YWHAQ: variants seen among roughly 807,000 people sequenced by gnomAD.
The protein encoded by YWHAQ is tyrosine 3-monooxygenase/tryptophan 5-monooxygenase activation protein theta, also known as 14-3-3 protein theta.
Under a neutral mutation model 28.3 loss-of-function variants are expected in YWHAQ, and 6 were observed. That is an observed-to-expected ratio of 0.21 (90% CI 0.12 to 0.42). The LOEUF (loss-of-function observed/expected upper bound fraction) is 0.42, where lower values mean the gene tolerates loss of function less well. Ranked by LOEUF, YWHAQ falls within the 10% of genes least tolerant of loss-of-function variation. The pLI is 1.00. For synonymous variants in YWHAQ, 143 were observed against 119.1 expected (o/e 1.20, Z -1.31); for missense variants, 201 against 305.6 (o/e 0.66, Z 2.55).
intron 2 of YWHAQ, among the ~76,000 whole-genome samples, 166 bp downstream of exon 2, chr2:9,629,993 T>G (rs147641429): frequency 6.6e-6 from 1 of 152,212 alleles, no homozygotes; most frequent in East Asian, 1.9e-4. Context: ...TTCTTGAGTC[T>G]CAACAACCGG....
At chr2:9,618,833 C>G (rs920501624) in intron 2 of YWHAQ, among the ~76,000 whole-genome samples, 1 of 151,886 alleles carries the variant, frequency 6.6e-6, no homozygotes, top group African/African-American at 2.4e-5. Flanking sequence ...TTCAGATGTT[C>G]AAAACAACAA....
chr2:9,605,725 T>C (rs1666812918), intron 2 of YWHAQ, among the ~76,000 whole-genome samples: 1 of 146,506 alleles, frequency 6.8e-6, no homozygotes, highest in South Asian at 2.1e-4. Context: ...CATGACCGGC[T>C]AATTTTTTTT....
At chr2:9,607,207 CTT>C (rs61190266) in intron 2 of YWHAQ, among the ~76,000 whole-genome samples, 3 of 129,072 alleles carry the variant, frequency 2.3e-5, no homozygotes, top group Admixed American at 7.9e-5. Context: ...TTTTTTTTTT[CTT>C]TTTTTTTTTG....
chr2:9,586,120 C>T (rs1448617329), intron 5 of YWHAQ, among the ~76,000 whole-genome samples: 1 of 152,070 alleles, frequency 6.6e-6, no homozygotes, highest in Non-Finnish European at 1.5e-5. Context: ...AAGGGCTAAA[C>T]TATAGGAAAA....
chr2:9,621,378 G>A (rs932314120), intron 2 of YWHAQ, among the ~76,000 whole-genome samples: 3 of 152,126 alleles, frequency 2.0e-5, no homozygotes, highest in Non-Finnish European at 4.4e-5. Flanking sequence ...ACAAGACACA[G>A]GCTACACACT....
intron 2 of YWHAQ, among the ~76,000 whole-genome samples, chr2:9,594,649 T>G (rs1212733974): frequency 6.6e-6 from 1 of 152,166 alleles, no homozygotes; most frequent in Non-Finnish European, 1.5e-5. Context: ...TACAATGAAA[T>G]TCCACAGGAT....
At chr2:9,606,375 G>A in intron 2 of YWHAQ, among the ~76,000 whole-genome samples, 1 of 151,588 alleles carries the variant, frequency 6.6e-6, no homozygotes, top group Non-Finnish European at 1.5e-5. Context: ...TGACCAGCCT[G>A]GGAAACACGG....
chr2:9,595,614 G>A (rs1280410839), intron 2 of YWHAQ, among the ~76,000 whole-genome samples: 1 of 147,706 alleles, frequency 6.8e-6, no homozygotes, highest in Non-Finnish European at 1.5e-5. Context: ...TGACACAGGA[G>A]AACTGCTTGA....
intron 2 of YWHAQ, among the ~76,000 whole-genome samples, chr2:9,624,024 T>C (rs1667197561): frequency 6.6e-6 from 1 of 151,970 alleles, no homozygotes; most frequent in Admixed American, 6.6e-5. Context: ...ATCTCAGCAC[T>C]CTGGGTGGAT....
chr2:9,610,855 T>C (rs1666933392), intron 2 of YWHAQ, among the ~76,000 whole-genome samples: 1 of 152,158 alleles, frequency 6.6e-6, no homozygotes, highest in African/African-American at 2.4e-5. Context: ...CGATCTACTA[T>C]TGATTCTGCT....
intron 2 of YWHAQ, among the ~76,000 whole-genome samples, chr2:9,621,912 C>T (rs1192958715): frequency 6.6e-6 from 1 of 152,160 alleles, no homozygotes; most frequent in African/African-American, 2.4e-5. Context: ...TGGAAACCAT[C>T]ATTCTCAGCA....
At chr2:9,621,316 TCTC>T (rs1667139059) in intron 2 of YWHAQ, among the ~76,000 whole-genome samples, 1 of 152,144 alleles carries the variant, frequency 6.6e-6, no homozygotes, top group Non-Finnish European at 1.5e-5. Context: ...GCCAGTGATG[TCTC>T]CTAAGTGGGG....
chr2:9,601,296 T>C (rs1258789773), intron 2 of YWHAQ, among the ~76,000 whole-genome samples: 1 of 152,054 alleles, frequency 6.6e-6, no homozygotes, highest in Non-Finnish European at 1.5e-5. Flanking sequence ...ACCCCGTCTC[T>C]ACTAATAATA....
chr2:9,592,821 C>T (rs558953754), intron 2 of YWHAQ, among the ~76,000 whole-genome samples: 3 of 152,166 alleles, frequency 2.0e-5, no homozygotes, highest in Non-Finnish European at 2.9e-5. Context: ...ATACCTACTT[C>T]ATTGGTTTGT....
chr2:9,600,716 A>G (rs1377302029), intron 2 of YWHAQ, among the ~76,000 whole-genome samples: 1 of 151,460 alleles, frequency 6.6e-6, no homozygotes, highest in Admixed American at 6.6e-5. Context: ...AAAAAAAAAG[A>G]AAAAAGAAAA....
At chr2:9,587,562 A>G (rs1666370139) in intron 4 of YWHAQ, 53 bp from the exon 5 acceptor site, 1 of 1,485,926 alleles carries the variant, frequency 6.7e-7, no homozygotes, top group African/African-American at 1.4e-5. Context: ...AAAACTGGTT[A>G]TTCTACAATT....
At chr2:9,599,626 C>A (rs1197436176) in intron 2 of YWHAQ, among the ~76,000 whole-genome samples, 1 of 152,200 alleles carries the variant, frequency 6.6e-6, no homozygotes, top group Non-Finnish European at 1.5e-5. Flanking sequence ...CATCTGTTTA[C>A]AAAATGCTTC....
chr2:9,591,344 T>C, intron 3 of YWHAQ, 48 bp downstream of exon 3: 1 of 1,583,656 alleles, frequency 6.3e-7, no homozygotes, highest in Non-Finnish European at 8.6e-7. Context: ...TTTATCCCCA[T>C]TTCTTTTTTT....
rs1239967918 is a variant in YWHAQ at position 9,587,641 on chromosome 2, AT to A, written c.583-133del. On this transcript the variant is annotated intron_variant, in intron 4 of 5. Coordinates refer to ENST00000238081, the MANE Select transcript of YWHAQ (RefSeq NM_006826.4). ...TACCATCAACAAACTCAACAGAACC[AT>A]TCTCTCACACTCCCAGTTTAAGAAC... is the stretch of plus-strand genomic sequence containing the variant. 2.4e-5 allele frequency: 16 copies of A among 668,206 alleles called. No individual in the cohort carries two copies. The Admixed American group carries it at 2.5e-4, about 11-fold the overall frequency. 41.4% of individuals were successfully genotyped at this position (668,206 alleles called of 1,614,324 possible). A position where few individuals can be genotyped will look rare whatever the true frequency, so the allele number is the denominator to read the frequency against.
Sources: allele counts gnomAD v4.1 joint callset (sites outside exome capture counted in the v4.1 genomes callset), GRCh38; gene constraint gnomAD v4.1.1; transcripts MANE v1.5; gene names NCBI Gene and HGNC (gene_info 2026-07-23, HGNC 2026-07-21).